The following MACF1 variants were observed in gnomAD, a reference collection of about 807,000 sequenced individuals.
MACF1 encodes microtubule actin crosslinking factor 1, also known as microtubule-actin cross-linking factor 1.
MACF1 carries 193 observed loss-of-function variants against 854.8 expected under a neutral mutation model. The ratio of observed to expected loss-of-function variants is 0.23; its 90% CI spans 0.20 to 0.25. The LOEUF (loss-of-function observed/expected upper bound fraction) is 0.25. MACF1 is among the 10% of genes least tolerant of loss of function. MACF1 has a pLI of 1.00. For missense variants in MACF1, 7,722 were observed against 8,929.1 expected (o/e 0.86, Z 5.45); for synonymous variants, 3,185 against 3,226.7 (o/e 0.99, Z 0.44).
At chr1:39,405,000 TA>T (rs1253914446) in intron 58 of MACF1, among the ~76,000 whole-genome samples, 1 of 152,172 alleles carries the variant, frequency 6.6e-6, no homozygotes, top group East Asian at 1.9e-4. Context: ...TGGTGACCAT[TA>T]GTCTAAAAAG....
intron 2 of MACF1, among the ~76,000 whole-genome samples, chr1:39,123,959 T>C (rs1571070426): frequency 6.6e-6 from 1 of 151,818 alleles, no homozygotes; most frequent in African/African-American, 2.4e-5. Context: ...AACTGGCTGG[T>C]CTCAAACTCC....
chr1:39,238,823 G>A (rs1399480057), intron 2 of MACF1, among the ~76,000 whole-genome samples: 3 of 152,206 alleles, frequency 2.0e-5, no homozygotes, highest in Non-Finnish European at 4.4e-5. Flanking sequence ...TTCAGAGAGA[G>A]ATTCACTGCT....
At chr1:39,418,684 G>GA (rs1643420325) in intron 58 of MACF1, among the ~76,000 whole-genome samples, 1 of 152,182 alleles carries the variant, frequency 6.6e-6, no homozygotes, top group Non-Finnish European at 1.5e-5. Flanking sequence ...CCAACATGGT[G>GA]AAACCCTGTC....
At chr1:39,266,953 T>A (rs1571238466) in intron 6 of MACF1, among the ~76,000 whole-genome samples, 2 of 152,216 alleles carry the variant, frequency 1.3e-5, no homozygotes, top group East Asian at 3.8e-4. Context: ...CCTGAACCTC[T>A]TTTTGGCAGC....
chr1:39,153,995 T>G (rs1325092249), intron 2 of MACF1, among the ~76,000 whole-genome samples: 1 of 152,216 alleles, frequency 6.6e-6, no homozygotes, highest in African/African-American at 2.4e-5. Flanking sequence ...TTTCCTGGGT[T>G]AGCAGCTGCT....
intron 2 of MACF1, among the ~76,000 whole-genome samples, chr1:39,242,121 G>A (rs959995325): frequency 2.6e-5 from 4 of 152,214 alleles, no homozygotes; most frequent in African/African-American, 9.6e-5. Flanking sequence ...GCTGAGGCGG[G>A]TGGATCACTT....
intron 2 of MACF1, among the ~76,000 whole-genome samples, chr1:39,104,801 G>A (rs1218354442): frequency 6.6e-6 from 1 of 152,116 alleles, no homozygotes; most frequent in Non-Finnish European, 1.5e-5. Context: ...TGGGCTCAGT[G>A]TCCTCCGGCC....
rs1380826085 is a variant in MACF1 at position 39,455,026 on chromosome 1, C to G, written c.21004C>G (p.Leu7002Val). 3 of 1,614,120 alleles carry G rather than the reference C, an allele frequency of 1.9e-6. No homozygotes were observed. Among genetic ancestry groups the G allele is most frequent in the East Asian group, 2.2e-5 (1 of 44,872 alleles). ...ATGGATCCAGTGGGCTGAGACCACC[C>G]TCATTCAGCGGGATCAGGAGCCAAT... ...LAWIQWAETT[L>V]IQRDQEPIPQ... Residue 7002 changes from leucine (L) to valine (V), a missense_variant, in exon 89 of 101, where the codon CTC (leucine) becomes GTC (valine). By Grantham distance (32) the Leu-to-Val change is conservative. Transcript: ENST00000564288.
At chr1:39,484,858 G>A in intron 100 of MACF1, 128 bp downstream of exon 100, 3 of 1,050,572 alleles carry the variant, frequency 2.9e-6, no homozygotes, top group South Asian at 1.3e-5. Context: ...CAGAAAGACA[G>A]ACCTGCAGAT....
rs750373093 is a variant in MACF1 at position 39,283,458 on chromosome 1, T to A, written c.858T>A (p.Ser286=). 1.2e-6 allele frequency: 2 copies of A among 1,613,204 alleles called. No homozygotes were observed. Among genetic ancestry groups the A allele is most frequent in the South Asian group, 2.2e-5 (2 of 91,074 alleles). ...AAAAGTCTGTAATCACTTATGTGTC[T>A]TCGATTTATGATGCCTTCCCTAAAG... ...PDEKSVITYV[S]SIYDAFPKVP... The change falls in exon 9 of 101, where the codon TCT becomes TCA. Residue 286 remains serine (S), a synonymous_variant. Transcript: ENST00000564288. This position sits in a 1 kb window ranked among gnomAD's most constrained non-coding sequence, Gnocchi z 4.5.
At chr1:39,257,084 T>C (rs1645105454) in intron 5 of MACF1, among the ~76,000 whole-genome samples, 1 of 152,176 alleles carries the variant, frequency 6.6e-6, no homozygotes, top group African/African-American at 2.4e-5. Flanking sequence ...GAATATACCC[T>C]AAAGAAATTA....
intron 13 of MACF1, 56 bp downstream of exon 13, chr1:39,285,446 C>T (rs770022228): frequency 4.4e-6 from 7 of 1,588,192 alleles, no homozygotes; most frequent in Non-Finnish European, 5.2e-6. Context: ...TGCTTCTCAC[C>T]CTCTGCTCTA....
rs1427006822 is a variant in MACF1, at chr1:39,462,043, G to A, written c.21678+6G>A. On this transcript the variant is annotated splice_donor_region_variant and intron_variant, in intron 93 of 100. Transcript: ENST00000564288. ...CAGATAAAATCGAAGATGAGGTAAGGGAAATAATTATATTTTGAGTACACT... is the reference window on the plus strand; with the variant it reads ...CAGATAAAATCGAAGATGAGGTAAGAGAAATAATTATATTTTGAGTACACT... 2 of 1,613,266 alleles carry A rather than the reference G, an allele frequency of 1.2e-6. No individual in the cohort carries two copies. The highest frequency in any genetic ancestry group is 2.7e-5 in the African/African-American group (2 of 74,950).
At chr1:39,345,775 T>A (rs530527897) in intron 40 of MACF1, among the ~76,000 whole-genome samples, 1 of 152,156 alleles carries the variant, frequency 6.6e-6, no homozygotes, top group African/African-American at 2.4e-5. Context: ...AAAACTTTTT[T>A]AAAAGATTGA....
chr1:39,472,567 A>G (rs1644799037), intron 97 of MACF1, among the ~76,000 whole-genome samples: 1 of 152,210 alleles, frequency 6.6e-6, no homozygotes, highest in Admixed American at 6.5e-5. Context: ...TGTATATAAA[A>G]TGTTCCTTAC....
At chr1:39,406,206 C>G (rs1335056947) in intron 58 of MACF1, among the ~76,000 whole-genome samples, 1 of 152,032 alleles carries the variant, frequency 6.6e-6, no homozygotes, top group African/African-American at 2.4e-5. Context: ...AATTTGTTTT[C>G]CTAACACCCT....
At chr1:39,293,088 A>G (rs559318528) in intron 17 of MACF1, among the ~76,000 whole-genome samples, 3 of 152,372 alleles carry the variant, frequency 2.0e-5, no homozygotes, top group African/African-American at 7.2e-5. Flanking sequence ...TTGTGCTTCA[A>G]CAAACGTGTG....
At chr1:39,220,152 G>A (rs1644631761) in intron 1 of MACF1, among the ~76,000 whole-genome samples, 1 of 152,030 alleles carries the variant, frequency 6.6e-6, no homozygotes, top group Admixed American at 6.6e-5. Context: ...ACCTATGGTT[G>A]TCCTAAATGT....
chr1:39,283,190 C>T lies in MACF1; in HGVS notation c.697C>T (p.Pro233Ser). ...MFNALIHRYR[P>S]DLVDMERVQI... ...ATGTGCCTTGCTGGACTTTTACAGACCCGATCTAGTAGACATGGAGAGGGT... is the reference window on the plus strand; with the variant it reads ...ATGTGCCTTGCTGGACTTTTACAGATCCGATCTAGTAGACATGGAGAGGGT... The change falls in exon 8 of 101, where the codon CCC becomes TCC. Residue 233 changes from proline to serine, a missense_variant and splice_region_variant. Physicochemically the swap from Pro to Ser is moderately conservative, Grantham distance 74 (BLOSUM62 -1). Transcript: ENST00000564288. This position sits in a 1 kb window ranked among gnomAD's most constrained non-coding sequence, Gnocchi z 4.5. 1.2e-6 allele frequency: 2 copies of T among 1,605,198 alleles called. No homozygotes were observed. The highest frequency in any genetic ancestry group is 8.5e-7 in the Non-Finnish European group (1 of 1,172,076).
Sources: allele counts gnomAD v4.1 joint callset (sites outside exome capture counted in the v4.1 genomes callset), GRCh38; gene constraint gnomAD v4.1.1; non-coding constraint Gnocchi (gnomAD v3.1); transcripts MANE v1.5; gene names NCBI Gene and HGNC (gene_info 2026-07-23, HGNC 2026-07-21).